PCDHA1: variants seen among roughly 807,000 people sequenced by gnomAD.
PCDHA1 encodes the protein protocadherin alpha 1.
Under a neutral mutation model 61.3 loss-of-function variants are expected in PCDHA1, and 42 were observed. The observed-to-expected ratio is 0.69, with a 90% CI of 0.54 to 0.89. The LOEUF (loss-of-function observed/expected upper bound fraction) is 0.89, where lower values mean the gene tolerates loss of function less well. Among genes scored for constraint, PCDHA1 ranks in the 40% least tolerant of loss-of-function variants. The pLI is 0.00. For missense variants in PCDHA1, 1,256 were observed against 1,235.3 expected (o/e 1.02, Z -0.25); for synonymous variants, 610 against 553.8 (o/e 1.10, Z -1.43).
At chr5:140,941,241 T>TTCTTTCTTTCTTTCTTTCTTTC in intron 1 of PCDHA1, among the ~76,000 whole-genome samples, 2 of 140,458 alleles carry the variant, frequency 1.4e-5, no homozygotes, top group South Asian at 4.5e-4. Context: ...CTTTCTTTCT[T>TTCTTTCTTTCTTTCTTTCTTTC]TCTTTCTTTC....
chr5:140,808,019 G>T (rs1764082833), intron 1 of PCDHA1: 1 of 1,613,708 alleles, frequency 6.2e-7, no homozygotes, highest in African/African-American at 1.3e-5. Flanking sequence ...TGGGGACATT[G>T]TTTATTCATT....
At chr5:140,985,216 C>T (rs1009954667) in intron 3 of PCDHA1, among the ~76,000 whole-genome samples, 1 of 152,186 alleles carries the variant, frequency 6.6e-6, no homozygotes, top group South Asian at 2.1e-4. Context: ...GGATTACAGG[C>T]GTGAGCCACC....
chr5:140,836,207 G>A, intron 1 of PCDHA1: 1 of 1,613,844 alleles, frequency 6.2e-7, no homozygotes, highest in Non-Finnish European at 8.5e-7. Context: ...CGTGGCTTTC[G>A]TATGAGTTGC....
intron 1 of PCDHA1, among the ~76,000 whole-genome samples, chr5:140,951,473 C>G (rs1009151700): frequency 1.3e-5 from 2 of 151,880 alleles, no homozygotes; most frequent in Non-Finnish European, 2.9e-5. Context: ...TTCTGGGGAG[C>G]CTTCAAGAAT....
rs2150493815 is a variant in PCDHA1 at position 140,850,683 on chromosome 5, G to A, written c.2394+61999G>A. 6 of 1,598,480 alleles carry A rather than the reference G, an allele frequency of 3.8e-6. No individual in the cohort carries two copies. The East Asian group carries it at 1.1e-4, about 30-fold the overall frequency. On this transcript the variant is annotated intron_variant, in intron 1 of 3. Coordinates refer to ENST00000504120, the MANE Select transcript of PCDHA1 (RefSeq NM_018900.4). ...GCGGTGCTCGGCGATGCCCACCGAG[G>A]GCGAGTGCGCGCCTGGCAAGCCGAC...
rs548391443 is a variant in PCDHA1, at chr5:140,892,979, C to T, written c.2395-85970C>T. Among the ~76,000 whole-genome samples, 6 of 152,224 alleles carry T rather than the reference C, an allele frequency of 3.9e-5. No individual in the cohort carries two copies. The South Asian group carries it at 1.2e-3, about 32-fold the overall frequency. On this transcript the variant is annotated intron_variant, in intron 1 of 3. Transcript: ENST00000504120. ...GAGCTCAATAAAATTTTGTAGCTGC[C>T]GTATAAGTGAGAACATGTATTTATT...
At chr5:140,843,126 G>A (rs2150353418) in intron 1 of PCDHA1, 7 of 1,595,940 alleles carry the variant, frequency 4.4e-6, no homozygotes. Context: ...GCCGACTCGG[G>A]CTACAACGCG....
intron 1 of PCDHA1, among the ~76,000 whole-genome samples, chr5:140,937,039 CTTTT>C (rs34994034): frequency 1.4e-5 from 2 of 140,156 alleles, no homozygotes; most frequent in African/African-American, 2.6e-5. Flanking sequence ...TTCCATTTAT[CTTTT>C]TTTTTTTTTT....
chr5:140,937,950 T>C (rs1483679576), intron 1 of PCDHA1, among the ~76,000 whole-genome samples: 1 of 152,164 alleles, frequency 6.6e-6, no homozygotes, highest in African/African-American at 2.4e-5. Flanking sequence ...AATTGGCTTT[T>C]GTTGAAAGTA....
Position 140,957,818 on chromosome 5 carries a change from A to T in PCDHA1, c.2395-21131A>T, listed in dbSNP as rs568420954. On this transcript the variant is annotated intron_variant, in intron 1 of 3. Transcript: ENST00000504120. ...GTTAAGTAAAAAAAAGTCACAAATT[A>T]AGAGAAAGTGTTAATTGATTTGAGA... Among the ~76,000 whole-genome samples the T allele has an allele frequency of 9.3e-4, 141 of 151,940 alleles. 1 individual carries two copies. Among genetic ancestry groups the T allele is most frequent in the African/African-American group, 2.9e-3 (121 of 41,526 alleles).
In PCDHA1 at chr5:140,830,149, C is replaced by T. The variant is rs2150181952; in HGVS notation, c.2394+41465C>T. The stretch of plus-strand genomic sequence containing the variant: ...CGTCATCACGGGCGTCGGTGGGCGC[C>T]GCGGGCCCAGAGGCGGCGCTGGTGG... On this transcript the variant is annotated intron_variant, in intron 1 of 3. Transcript: ENST00000504120. 8 of 1,613,338 alleles carry T rather than the reference C, an allele frequency of 5.0e-6. No individual in the cohort carries two copies. In the East Asian group the frequency reaches 6.7e-5, roughly 13 times the overall value.
intron 1 of PCDHA1, among the ~76,000 whole-genome samples, chr5:140,937,072 C>G (rs1321046541): frequency 7.0e-6 from 1 of 143,792 alleles, no homozygotes; most frequent in East Asian, 2.0e-4. Flanking sequence ...GAGTCTCGCT[C>G]TGTCGCCCAG....
chr5:140,863,319 C>A, intron 1 of PCDHA1: 1 of 1,445,714 alleles, frequency 6.9e-7, no homozygotes, highest in Non-Finnish European at 9.4e-7. Context: ...TGGTGTCCAG[C>A]CTGTTAGTGC....
At chr5:140,803,640 C>T in intron 1 of PCDHA1, 3 of 1,613,246 alleles carry the variant, frequency 1.9e-6, no homozygotes, top group Non-Finnish European at 2.5e-6. Context: ...TTTTTCATTC[C>T]TCAATGTTTC....
At chr5:140,844,093 C>A (rs2150368688) in intron 1 of PCDHA1, among the ~76,000 whole-genome samples, 1 of 149,604 alleles carries the variant, frequency 6.7e-6, no homozygotes, top group African/African-American at 2.4e-5. Context: ...AACTCTTAAT[C>A]TTACTCCATA....
At position 140,841,334 on chromosome 5, in the gene PCDHA1, T is replaced by C. The variant is rs2150313767; in HGVS notation, c.2394+52650T>C. The C allele has an allele frequency of 4.1e-5, 65 of 1,588,822 alleles. No homozygotes were observed. The African/African-American group carries it at 7.9e-4, about 19-fold the overall frequency. ...ACGACTATTTAACATGGATTATCAC[T>C]GGCGAGGAGAGCTGGGATCCTGGCG... On this transcript the variant is annotated intron_variant, in intron 1 of 3. Coordinates refer to ENST00000504120, the MANE Select transcript of PCDHA1 (RefSeq NM_018900.4).
chr5:140,898,072 G>T (rs1412097602), intron 1 of PCDHA1, among the ~76,000 whole-genome samples: 1 of 152,012 alleles, frequency 6.6e-6, no homozygotes, highest in Non-Finnish European at 1.5e-5. Flanking sequence ...TGAGTTCATT[G>T]TAGATTCTGG....
Position 140,853,605 on chromosome 5 carries a change from G to A in PCDHA1, c.2394+64921G>A, listed in dbSNP as rs773791072. ...TCTTAGACACTTTGAGAGCAAAGGG[G>A]GTGCTGTAAATAAGTATACAAGATC... On this transcript the variant is annotated intron_variant, in intron 1 of 3. Transcript: ENST00000504120. 143 of 987,206 alleles carry A rather than the reference G, an allele frequency of 1.4e-4. 19 individuals carry two copies. The highest frequency in any genetic ancestry group is 1.7e-4 in the Non-Finnish European group (138 of 819,622). 61.2% of individuals were successfully genotyped at this position (987,206 alleles called of 1,614,324 possible). A position where few individuals can be genotyped will look rare whatever the true frequency, so the allele number is the denominator to read the frequency against.
chr5:140,836,192 CA>C, intron 1 of PCDHA1: 1 of 1,613,846 alleles, frequency 6.2e-7, no homozygotes, highest in Non-Finnish European at 8.5e-7. Flanking sequence ...ACTCAGGCTA[CA>C]ACGCGTGGCT....
Sources: gnomAD v4.1 joint callset for allele counts (sites outside exome capture counted in the v4.1 genomes callset) on GRCh38, gnomAD v4.1.1 for gene constraint, MANE v1.5 for transcripts, NCBI Gene and HGNC (gene_info 2026-07-23, HGNC 2026-07-21) for gene names.